ZFP91: variants seen among roughly 807,000 people sequenced by gnomAD.
ZFP91 encodes E3 ubiquitin-protein ligase ZFP91.
Under a neutral mutation model 63.5 loss-of-function variants are expected in ZFP91, and 7 were observed. That is an observed-to-expected ratio of 0.11 (90% CI 0.06 to 0.21). The LOEUF is 0.21. ZFP91 is among the 10% of genes least tolerant of loss of function. The pLI, the probability that ZFP91 is intolerant of heterozygous loss-of-function variation, is 1.00. For missense variants in ZFP91, 628 were observed against 736.6 expected, an observed-to-expected ratio of 0.85 and a Z score of 1.71; for synonymous variants, 330 against 272.1, an observed-to-expected ratio of 1.21 and a Z score of -2.10.
intron 8 of ZFP91, among the ~76,000 whole-genome samples, chr11:58,613,624 C>T (rs1419346248): frequency 1.3e-5 from 2 of 152,088 alleles, no homozygotes; most frequent in Non-Finnish European, 2.9e-5. Context: ...AAAATTAGAA[C>T]TCAAACCTGT....
intron 2 of ZFP91, among the ~76,000 whole-genome samples, chr11:58,599,809 T>G (rs532144070): frequency 6.6e-5 from 10 of 152,228 alleles, no homozygotes; most frequent in African/African-American, 2.4e-4. Flanking sequence ...CTATGCATTT[T>G]TTAGTGCTAG....
At chr11:58,608,773 T>G (rs947121383) in intron 2 of ZFP91, among the ~76,000 whole-genome samples, 3 of 152,096 alleles carry the variant, frequency 2.0e-5, no homozygotes, top group African/African-American at 7.2e-5. Context: ...CCTGGCTACC[T>G]TTTGTATTTT....
At chr11:58,599,946 T>C (rs1409979966) in intron 2 of ZFP91, among the ~76,000 whole-genome samples, 1 of 152,122 alleles carries the variant, frequency 6.6e-6, no homozygotes, top group Non-Finnish European at 1.5e-5. Context: ...AGAGACTGTT[T>C]TCACCTACTG....
At chr11:58,588,717 T>TA (rs1758903577) in intron 2 of ZFP91, among the ~76,000 whole-genome samples, 1 of 152,150 alleles carries the variant, frequency 6.6e-6, no homozygotes, top group Non-Finnish European at 1.5e-5. Context: ...TTTTATAGTA[T>TA]ACTTTTTTGT....
rs758461300 is a variant in ZFP91 at position 58,617,395 on chromosome 11, G to A, written c.1402G>A (p.Ala468Thr). Reference protein sequence around the residue: ...IAEALAANAGALITSTDILGT... With the variant: ...IAEALAANAGTLITSTDILGT... ...AGAAGCTCTGGCTGCCAATGCAGGCGCCCTCATCACCAGCACAGATATCTT... is the reference window on the plus strand; with the variant it reads ...AGAAGCTCTGGCTGCCAATGCAGGCACCCTCATCACCAGCACAGATATCTT... The change falls in exon 11 of 11, where the codon GCC (alanine) becomes ACC (threonine). Residue 468 changes from alanine to threonine, a missense_variant. Coordinates refer to ENST00000316059, the MANE Select transcript of ZFP91 (RefSeq NM_053023.5). The surrounding 1 kb of genome is among the most constrained non-coding windows in gnomAD (Gnocchi z 4.2). 7.4e-6 allele frequency: 12 copies of A among 1,613,414 alleles called. No individual in the cohort carries two copies. The highest frequency in any genetic ancestry group is 5.5e-5 in the South Asian group (5 of 91,002).
At chr11:58,611,102 A>G in intron 5 of ZFP91, 48 bp downstream of exon 5, 1 of 1,548,280 alleles carries the variant, frequency 6.5e-7, no homozygotes, top group Non-Finnish European at 8.9e-7. Flanking sequence ...TATAAGTAGG[A>G]AAGCACTGTT....
chr11:58,605,867 C>T (rs1444805679), intron 2 of ZFP91, among the ~76,000 whole-genome samples: 1 of 151,990 alleles, frequency 6.6e-6, no homozygotes, highest in Admixed American at 6.6e-5. Flanking sequence ...TATTATGCAT[C>T]TGTTGGCATG....
intron 2 of ZFP91, among the ~76,000 whole-genome samples, chr11:58,603,927 G>A (rs1486159255): frequency 2.0e-5 from 3 of 152,102 alleles, no homozygotes; most frequent in African/African-American, 7.2e-5. Context: ...CATACCCCCA[G>A]TCTCATTCAT....
intron 9 of ZFP91, among the ~76,000 whole-genome samples, chr11:58,614,894 C>T (rs1273053049): frequency 6.6e-6 from 1 of 152,110 alleles, no homozygotes; most frequent in Admixed American, 6.6e-5. Context: ...TTATTTGTAA[C>T]CACTGACCAT....
At chr11:58,598,327 AAT>A (rs1237074755) in intron 2 of ZFP91, among the ~76,000 whole-genome samples, 1 of 152,074 alleles carries the variant, frequency 6.6e-6, no homozygotes, top group African/African-American at 2.4e-5. Context: ...TTAATTTTTC[AAT>A]ATTTCTAGGC....
chr11:58,617,229 G>A lies in ZFP91; in HGVS notation c.1236G>A (p.Lys412=), dbSNP rs750474239. 2.6e-5 allele frequency: 41 copies of A among 1,603,728 alleles called. No individual in the cohort carries two copies. The highest frequency in any genetic ancestry group is 3.4e-5 in the Non-Finnish European group (40 of 1,175,994). Residue 412 remains lysine, a synonymous_variant, in exon 11 of 11, where the codon AAG becomes AAA. Coordinates refer to ENST00000316059, the MANE Select transcript of ZFP91 (RefSeq NM_053023.5). The surrounding 1 kb of genome is among the most constrained non-coding windows in gnomAD (Gnocchi z 4.2). ...CEICGFTCRQ[K]ASLNWHMKKH... ...TCTGTGGATTTACTTGTCGACAAAA[G>A]GCATCTCTTAATTGGCACATGAAGA...
At chr11:58,601,924 A>AT (rs918703021) in intron 2 of ZFP91, among the ~76,000 whole-genome samples, 4 of 150,070 alleles carry the variant, frequency 2.7e-5, no homozygotes, top group Admixed American at 1.3e-4. Context: ...ATGTCTGTGA[A>AT]TTTTTTTTTT....
chr11:58,579,168 G>A lies in ZFP91; in HGVS notation c.-114G>A, dbSNP rs1214855047. ...AGGGGAGGGGGGAAAGAGGAGCGCA[G>A]GGTGAGAGTGAGCCGCAGGCTTCGG... On this transcript the variant is annotated 5_prime_UTR_variant, in exon 1 of 11. Transcript: ENST00000316059. 3.4e-6 allele frequency: 3 copies of A among 877,838 alleles called. No homozygotes were observed. Among genetic ancestry groups the A allele is most frequent in the Admixed American group, 4.3e-5 (1 of 23,358 alleles). The allele number at this position is 877,838 out of a possible 1,614,324, so 54.4% of individuals were successfully genotyped here.
rs1243366587 is a variant in ZFP91, at chr11:58,616,833, G to C, written c.1202+18G>C. On this transcript the variant is annotated intron_variant, in intron 10 of 10. Coordinates refer to ENST00000316059, the MANE Select transcript of ZFP91 (RefSeq NM_053023.5). ...CCATTACAGTGAGTATTATTTACTGGTGAACATCTGGGTGAGAAGGATATA... is the reference window on the plus strand; with the variant it reads ...CCATTACAGTGAGTATTATTTACTGCTGAACATCTGGGTGAGAAGGATATA... 2 of 1,606,788 alleles carry C rather than the reference G, an allele frequency of 1.2e-6. No individual in the cohort carries two copies. The highest frequency in any genetic ancestry group is 3.3e-5 in the Admixed American group (2 of 59,922).
intron 2 of ZFP91, among the ~76,000 whole-genome samples, chr11:58,587,456 A>G (rs1855230615): frequency 2.0e-5 from 3 of 152,312 alleles, no homozygotes; most frequent in Admixed American, 1.3e-4. Flanking sequence ...GAATATGCAG[A>G]TAGTTAATTT....
rs578072640 is a variant in ZFP91 at position 58,585,092 on chromosome 11, ATTGT to A, written c.370+212_370+215del. On this transcript the variant is annotated intron_variant, in intron 2 of 10. Transcript: ENST00000316059. ...TAGAAACCTAATAAAGGCAAATCAG[ATTGT>A]TTGATGGTAATTTATAGTAACTTTT... is the stretch of plus-strand genomic sequence containing the variant. Among the ~76,000 whole-genome samples, 17 of 152,276 alleles carry A rather than the reference ATTGT, an allele frequency of 1.1e-4. No individual in the cohort carries two copies. The East Asian group carries it at 3.1e-3, about 28-fold the overall frequency.
Position 58,610,940 on chromosome 11 carries a change from T to C in ZFP91, c.618-10T>C. 1 of 1,608,234 alleles carries C rather than the reference T, an allele frequency of 6.2e-7. No homozygotes were observed. The highest frequency in any genetic ancestry group is 8.5e-7 in the Non-Finnish European group (1 of 1,177,662). ...ACCAGAATGTCTCATTTCTATTTAC[T>C]TATTTTTAGTAGTGAAGAGGAAGAG... is the stretch of plus-strand genomic sequence containing the variant. On this transcript the variant is annotated splice_polypyrimidine_tract_variant and intron_variant, in intron 4 of 10. Coordinates refer to ENST00000316059, the MANE Select transcript of ZFP91 (RefSeq NM_053023.5).
chr11:58,610,627 A>T (rs550860182), intron 4 of ZFP91, among the ~76,000 whole-genome samples: 40 of 152,248 alleles, frequency 2.6e-4, no homozygotes, highest in African/African-American at 9.6e-4. Flanking sequence ...ATTTTATTGG[A>T]ATCTTTTGTG....
At chr11:58,605,895 C>T (rs750830115) in intron 2 of ZFP91, among the ~76,000 whole-genome samples, 12 of 151,938 alleles carry the variant, frequency 7.9e-5, no homozygotes, top group African/African-American at 2.2e-4. Context: ...GTTGTCTAAA[C>T]GATCTCTTAG....
Sources: allele counts gnomAD v4.1 joint callset (sites outside exome capture counted in the v4.1 genomes callset), GRCh38; gene constraint gnomAD v4.1.1; non-coding constraint Gnocchi (gnomAD v3.1); transcripts MANE v1.5; gene names NCBI Gene and HGNC (gene_info 2026-07-23, HGNC 2026-07-21).